RHEX: variants seen among roughly 807,000 people sequenced by gnomAD.
RHEX encodes the protein regulator of hemoglobinization and erythroid cell expansion.
A neutral mutation model predicts 20.1 loss-of-function variants in RHEX; 18 were observed. The ratio of observed to expected loss-of-function variants is 0.90; its 90% CI spans 0.62 to 1.33. The LOEUF (loss-of-function observed/expected upper bound fraction) is 1.33, where lower values mean the gene tolerates loss of function less well. RHEX is among the 40% of genes most tolerant of loss of function. RHEX has a pLI of 0.00. For missense variants in RHEX, 192 were observed against 214.3 expected, an observed-to-expected ratio of 0.90 and a Z score of 0.65; for synonymous variants, 87 against 77.1, an observed-to-expected ratio of 1.13 and a Z score of -0.67.
At chr1:206,063,628 G>C (rs1479814616) in intron 1 of RHEX, among the ~76,000 whole-genome samples, 1 of 152,278 alleles carries the variant, frequency 6.6e-6, no homozygotes, top group African/African-American at 2.4e-5. Flanking sequence ...TCCTAACCGT[G>C]AGTCATCCGC....
intron 1 of RHEX, among the ~76,000 whole-genome samples, chr1:206,069,003 A>G (rs1335977521): frequency 6.6e-6 from 1 of 152,212 alleles, no homozygotes; most frequent in Non-Finnish European, 1.5e-5. Context: ...TTTATGTGGC[A>G]AATGGGATGG....
rs73088148 is a variant in RHEX, at chr1:206,102,357, A to G, written c.*405A>G. The G allele has an allele frequency of 0.055, 9,578 of 174,348 alleles. 961 individuals are homozygous for G. The highest frequency in any genetic ancestry group is 0.21 in the African/African-American group (8,774 of 42,122). The allele number at this position is 174,348 out of a possible 1,614,324, so 10.8% of individuals were successfully genotyped here. A position where few individuals can be genotyped will look rare whatever the true frequency, so the allele number is the denominator to read the frequency against. On this transcript the variant is annotated 3_prime_UTR_variant, in exon 6 of 6. Transcript: ENST00000331555. The stretch of plus-strand genomic sequence containing the variant: ...AGCTGTTGTAGAGTTCTATTTGGCA[A>G]TCTCATGGTTAAATGACTTCCCTTT...
chr1:206,074,747 A>C (rs189581581), intron 1 of RHEX, among the ~76,000 whole-genome samples: 1 of 152,332 alleles, frequency 6.6e-6, no homozygotes, highest in East Asian at 1.9e-4. Flanking sequence ...GGGTGCTGAC[A>C]TGATGCCACA....
chr1:206,093,325 A>G (rs35693813), intron 1 of RHEX, among the ~76,000 whole-genome samples: 30,583 of 150,872 alleles, frequency 0.2, 4,780 homozygotes, highest in African/African-American at 0.44. Context: ...AGGCTGGAGT[A>G]CAGTGGCGTG....
intron 1 of RHEX, among the ~76,000 whole-genome samples, chr1:206,079,549 C>A (rs1662697924): frequency 6.6e-6 from 1 of 152,002 alleles, no homozygotes; most frequent in African/African-American, 2.4e-5. Flanking sequence ...GTTAGATCAG[C>A]AAGGCATTTT....
intron 1 of RHEX, among the ~76,000 whole-genome samples, chr1:206,066,477 T>C (rs1361112323): frequency 6.6e-6 from 1 of 152,108 alleles, no homozygotes; most frequent in Non-Finnish European, 1.5e-5. Flanking sequence ...ATAAGCTGGG[T>C]GTGGTGGCAC....
At chr1:206,075,292 A>C (rs1231823989) in intron 1 of RHEX, among the ~76,000 whole-genome samples, 2 of 152,210 alleles carry the variant, frequency 1.3e-5, no homozygotes, top group Non-Finnish European at 2.9e-5. Context: ...GAAGTTAATG[A>C]AAAATAGAAA....
rs782476713 is a variant in RHEX, at chr1:206,098,155, T to A, written c.86T>A (p.Ile29Asn). Residue 29 changes from isoleucine (I) to asparagine (N), a missense_variant, in exon 3 of 6, where the codon ATC becomes AAC. Transcript: ENST00000331555. ...CTGCAGGCCTGCTTCCTCACCGCCATCAACTACCTGCTCAGCAGGCACATG... is the reference window on the plus strand; with the variant it reads ...CTGCAGGCCTGCTTCCTCACCGCCAACAACTACCTGCTCAGCAGGCACATG... ...LFLQACFLTA[I>N]NYLLSRHMAH... 5 of 1,613,766 alleles carry A rather than the reference T, an allele frequency of 3.1e-6. No homozygotes were observed. The highest frequency in any genetic ancestry group is 4.2e-6 in the Non-Finnish European group (5 of 1,179,708).
chr1:206,068,040 C>T (rs1662462852), intron 1 of RHEX, among the ~76,000 whole-genome samples: 1 of 152,182 alleles, frequency 6.6e-6, no homozygotes, highest in Non-Finnish European at 1.5e-5. Context: ...CATTTCTGTG[C>T]TTCTGCGTCT....
chr1:206,072,595 T>G (rs1662558361), intron 1 of RHEX, among the ~76,000 whole-genome samples: 1 of 152,086 alleles, frequency 6.6e-6, no homozygotes, highest in Non-Finnish European at 1.5e-5. Context: ...AAAAAGAGGA[T>G]GTGTTTTAGG....
intron 1 of RHEX, among the ~76,000 whole-genome samples, chr1:206,073,252 G>A (rs1662568909): frequency 6.6e-6 from 1 of 152,072 alleles, no homozygotes; most frequent in Non-Finnish European, 1.5e-5. Flanking sequence ...CTACTCCCAA[G>A]GCTTCAGGTG....
intron 1 of RHEX, among the ~76,000 whole-genome samples, chr1:206,055,925 C>T (rs1212114394): frequency 6.6e-6 from 1 of 152,268 alleles, no homozygotes; most frequent in East Asian, 1.9e-4. Context: ...GTAGCAATAG[C>T]CCTGTTAGCA....
At chr1:206,074,600 T>C (rs1377885717) in intron 1 of RHEX, among the ~76,000 whole-genome samples, 1 of 152,166 alleles carries the variant, frequency 6.6e-6, no homozygotes. Context: ...CCACCATCAA[T>C]TTCAGGCCAT....
intron 1 of RHEX, among the ~76,000 whole-genome samples, chr1:206,053,561 G>A (rs868937921): frequency 3.9e-5 from 6 of 152,254 alleles, no homozygotes; most frequent in Middle Eastern, 3.4e-3. Context: ...CATGGGTCAG[G>A]TACAAATAAG....
At chr1:206,076,857 C>A (rs1662645165) in intron 1 of RHEX, among the ~76,000 whole-genome samples, 1 of 152,168 alleles carries the variant, frequency 6.6e-6, no homozygotes, top group Non-Finnish European at 1.5e-5. Flanking sequence ...TTCCAGCATC[C>A]TTTCTGCTCT....
At chr1:206,071,160 G>T (rs782820549) in intron 1 of RHEX, among the ~76,000 whole-genome samples, 15 of 152,168 alleles carry the variant, frequency 9.9e-5, no homozygotes, top group Non-Finnish European at 1.3e-4. Flanking sequence ...AGGTCTGAGA[G>T]CCCCTGGCGC....
Position 206,097,836 on chromosome 1 carries a change from CAGAG to C in RHEX, c.9_11+1del, listed in dbSNP as rs1553287887. ...ATCAGCAAGGAGCTCATCATGCTGACAGAGTGAGTGGGCCCAACAAGAGCAGGAG... is the reference window on the plus strand; with the variant it reads ...ATCAGCAAGGAGCTCATCATGCTGACTGAGTGGGCCCAACAAGAGCAGGAG... On this transcript the variant is annotated splice_donor_variant and coding_sequence_variant, in exon 2 of 6. Coordinates refer to ENST00000331555, the MANE Select transcript of RHEX (RefSeq NM_001007544.4). LOFTEE classifies it high-confidence loss of function. 1 of 1,605,054 alleles carries C rather than the reference CAGAG, an allele frequency of 6.2e-7. No individual in the cohort carries two copies. The highest frequency in any genetic ancestry group is 2.2e-5 in the East Asian group (1 of 44,848).
At chr1:206,090,456 C>T (rs1662925561) in intron 1 of RHEX, among the ~76,000 whole-genome samples, 1 of 152,030 alleles carries the variant, frequency 6.6e-6, no homozygotes, top group African/African-American at 2.4e-5. Context: ...ATCCACCCTC[C>T]TTGGCCTCCC....
rs1448777807 is a variant in RHEX at position 206,067,929 on chromosome 1, G to A, written c.-97+14664G>A. On this transcript the variant is annotated intron_variant, in intron 1 of 5. Transcript: ENST00000331555. This position sits in a 1 kb window ranked among gnomAD's most constrained non-coding sequence, Gnocchi z 4.6. ...GATGACAGCTACTTCTGTCTTCTAA[G>A]GAGGGTGGAATGGTTCACATCGATA... Among the ~76,000 whole-genome samples the A allele has an allele frequency of 1.3e-5, 2 of 152,214 alleles. No homozygotes were observed. Among genetic ancestry groups the A allele is most frequent in the Non-Finnish European group, 2.9e-5 (2 of 68,042 alleles).
Sources: gnomAD v4.1 joint callset for allele counts (sites outside exome capture counted in the v4.1 genomes callset) on GRCh38, gnomAD v4.1.1 for gene constraint, Gnocchi (gnomAD v3.1) non-coding constraint, MANE v1.5 for transcripts, NCBI Gene and HGNC (gene_info 2026-07-23, HGNC 2026-07-21) for gene names.